Variants in KCNMA1 observed in about 807,000 individuals in gnomAD.
KCNMA1 encodes the protein potassium calcium-activated channel subfamily M alpha 1.
A neutral mutation model predicts 140.0 loss-of-function variants in KCNMA1; 29 were observed. The observed-to-expected ratio is 0.21, with a 90% CI of 0.15 to 0.28. The LOEUF (loss-of-function observed/expected upper bound fraction) is 0.28. Among genes scored for constraint, KCNMA1 ranks in the 10% least tolerant of loss-of-function variants. KCNMA1 has a pLI of 1.00. For synonymous variants in KCNMA1, 612 were observed against 611.9 expected (o/e 1.00, Z 0.00); for missense variants, 880 against 1,602.2 (o/e 0.55, Z 7.70).
At chr10:77,029,889 G>A (rs973556171) in intron 15 of KCNMA1, among the ~76,000 whole-genome samples, 11 of 152,150 alleles carry the variant, frequency 7.2e-5, no homozygotes, top group African/African-American at 2.7e-4. Flanking sequence ...TGAGGGGGGA[G>A]CAAGATCATG....
chr10:76,978,804 G>C (rs2078497549), intron 19 of KCNMA1, among the ~76,000 whole-genome samples: 1 of 152,178 alleles, frequency 6.6e-6, no homozygotes, highest in Non-Finnish European at 1.5e-5. Flanking sequence ...ACAGCTGCTA[G>C]TTTCCTGGTG....
chr10:77,630,817 T>A (rs769215466), intron 1 of KCNMA1, among the ~76,000 whole-genome samples: 1 of 151,656 alleles, frequency 6.6e-6, no homozygotes, highest in Non-Finnish European at 1.5e-5. Flanking sequence ...CATATTAAAG[T>A]TTGACTAAGC....
intron 18 of KCNMA1, among the ~76,000 whole-genome samples, chr10:77,004,403 T>C (rs2087667418): frequency 6.6e-6 from 1 of 152,180 alleles, no homozygotes; most frequent in Admixed American, 6.5e-5. Flanking sequence ...TCGCTACTGC[T>C]GGCATAGTCC....
chr10:77,286,579 A>G (rs1323641816), intron 2 of KCNMA1, among the ~76,000 whole-genome samples: 2 of 152,158 alleles, frequency 1.3e-5, no homozygotes, highest in African/African-American at 4.8e-5. Flanking sequence ...ATACCTAAGA[A>G]TACTTCCAAA....
intron 2 of KCNMA1, among the ~76,000 whole-genome samples, chr10:77,324,967 CTCTCTGTGTGTGTGTGTG>C (rs2083563271): frequency 1.0e-5 from 1 of 97,294 alleles, no homozygotes; most frequent in African/African-American, 5.5e-5. Context: ...CTCTCTCTCT[CTCTCTGTGTGTGTGTGTG>C]TGTGTGTGTG....
At chr10:77,425,875 C>A (rs557227516) in intron 1 of KCNMA1, among the ~76,000 whole-genome samples, 1 of 152,122 alleles carries the variant, frequency 6.6e-6, no homozygotes, top group Admixed American at 6.6e-5. Flanking sequence ...GTGTTCATCG[C>A]GGTGCTTTCT....
chr10:77,330,692 T>A (rs2086055091), intron 2 of KCNMA1, among the ~76,000 whole-genome samples: 2 of 152,224 alleles, frequency 1.3e-5, no homozygotes, highest in South Asian at 4.2e-4. Flanking sequence ...CACACAGCTA[T>A]CAGTGAATGG....
At chr10:77,379,146 G>A (rs183792460) in intron 2 of KCNMA1, among the ~76,000 whole-genome samples, 1 of 152,282 alleles carries the variant, frequency 6.6e-6, no homozygotes, top group East Asian at 1.9e-4. Flanking sequence ...TGAATAACCA[G>A]GAAAGACAAC....
intron 1 of KCNMA1, among the ~76,000 whole-genome samples, chr10:77,602,130 G>A (rs140032414): frequency 6.6e-6 from 1 of 152,320 alleles, no homozygotes; most frequent in Non-Finnish European, 1.5e-5. Context: ...ATGCCTGACA[G>A]CAAAATCTGG....
chr10:76,969,956 A>G lies in KCNMA1; in HGVS notation c.2360+18T>C. The G allele has an allele frequency of 6.3e-7, 1 of 1,595,378 alleles. No individual in the cohort carries two copies. The highest frequency in any genetic ancestry group is 8.6e-7 in the Non-Finnish European group (1 of 1,163,138). On this transcript the variant is annotated intron_variant, in intron 20 of 27. Transcript: ENST00000286628. ...AGGGCTAAGAGGGAAACCGTGGGCA[A>G]CCAGCCCCTCTCCTTACCTCATCAG...
At chr10:77,549,488 T>C (rs2062228322) in intron 1 of KCNMA1, among the ~76,000 whole-genome samples, 1 of 152,172 alleles carries the variant, frequency 6.6e-6, no homozygotes, top group Admixed American at 6.5e-5. Context: ...ATCTGCCTCT[T>C]TGGGCTGAAC....
chr10:77,075,082 T>G (rs2096348074), intron 13 of KCNMA1, among the ~76,000 whole-genome samples: 1 of 152,180 alleles, frequency 6.6e-6, no homozygotes. Context: ...AAGCCAAAAG[T>G]GGGTACTCCA....
intron 1 of KCNMA1, among the ~76,000 whole-genome samples, chr10:77,432,414 G>A (rs1049569436): frequency 1.3e-5 from 2 of 152,166 alleles, no homozygotes; most frequent in African/African-American, 2.4e-5. Flanking sequence ...TTTCACAACT[G>A]TGGAACCCAA....
At chr10:77,143,628 CT>C (rs1243871001) in intron 5 of KCNMA1, among the ~76,000 whole-genome samples, 1 of 152,156 alleles carries the variant, frequency 6.6e-6, no homozygotes, top group Non-Finnish European at 1.5e-5. Context: ...AAAGCTAAAT[CT>C]GAAGCCTCTA....
intron 1 of KCNMA1, among the ~76,000 whole-genome samples, chr10:77,448,630 G>C (rs1288335563): frequency 3.3e-5 from 5 of 152,040 alleles, no homozygotes; most frequent in Non-Finnish European, 4.4e-5. Flanking sequence ...TTCAGAAAGG[G>C]CCCCTTTTTC....
chr10:76,939,338 T>A (rs2152805272), intron 23 of KCNMA1: 1 of 152,452 alleles, frequency 6.6e-6, no homozygotes, highest in South Asian at 2.1e-4. Flanking sequence ...GCCAGGATGG[T>A]CTCGATCTCC....
chr10:76,945,691 G>C (rs1163998813), intron 22 of KCNMA1, among the ~76,000 whole-genome samples: 3 of 152,024 alleles, frequency 2.0e-5, no homozygotes, highest in Non-Finnish European at 4.4e-5. Context: ...GTATGCAGGA[G>C]GTAAAGAGGC....
chr10:77,085,795 A>G (rs1365880755), intron 11 of KCNMA1, among the ~76,000 whole-genome samples: 2 of 152,216 alleles, frequency 1.3e-5, no homozygotes, highest in Non-Finnish European at 2.9e-5. Context: ...TCATTATATT[A>G]ATGTACACCC....
chr10:77,589,989 T>C lies in KCNMA1; in HGVS notation c.378+47276A>G, dbSNP rs534955375. 3.3e-5 allele frequency among the ~76,000 whole-genome samples: 5 copies of C among 152,316 alleles called. 1 individual carries two copies. The highest frequency in any genetic ancestry group is 1.2e-4 in the African/African-American group (5 of 41,560). The stretch of plus-strand genomic sequence containing the variant: ...TTTTGACAGGGTGCTGATTGGTGCG[T>C]TCACAATCCCTGAGCTAGACACAAA... On this transcript the variant is annotated intron_variant, in intron 1 of 27. Transcript: ENST00000286628.
Sources: gnomAD v4.1 joint callset for allele counts (sites outside exome capture counted in the v4.1 genomes callset) on GRCh38, gnomAD v4.1.1 for gene constraint, MANE v1.5 for transcripts, NCBI Gene and HGNC (gene_info 2026-07-23, HGNC 2026-07-21) for gene names.